The following IGFL4 variants were observed in gnomAD, a reference collection of about 807,000 sequenced individuals.
The protein encoded by IGFL4 is insulin growth factor-like family member 4.
IGFL4 carries 12 observed loss-of-function variants against 15.4 expected under a neutral mutation model. That is an observed-to-expected ratio of 0.78 (90% CI 0.50 to 1.26). The LOEUF is 1.26. Ranked by LOEUF, IGFL4 falls within the 50% of genes most tolerant of loss-of-function variation. The pLI is 0.00. For missense variants in IGFL4, 126 were observed against 147.8 expected (o/e 0.85, Z 0.76); for synonymous variants, 54 against 55.9 (o/e 0.97, Z 0.16).
At chr19:46,054,780 G>A (rs1380519476) in intron 2 of IGFL4, among the ~76,000 whole-genome samples, 2 of 152,168 alleles carry the variant, frequency 1.3e-5, no homozygotes, top group African/African-American at 2.4e-5. Context: ...AGATGAATGT[G>A]AGGAAAACAG....
At chr19:46,059,349 T>C (rs995488677) in intron 2 of IGFL4, 1 of 152,208 alleles carries the variant, frequency 6.6e-6, no homozygotes, top group Admixed American at 6.5e-5. Context: ...TGAAGATCCA[T>C]ATTCTGTAAC....
intron 1 of IGFL4, among the ~76,000 whole-genome samples, chr19:46,069,645 T>C (rs1037012258): frequency 1.3e-5 from 2 of 152,242 alleles, no homozygotes; most frequent in Non-Finnish European, 2.9e-5. Flanking sequence ...CCTAGATTTC[T>C]ATTTTATGGA....
intron 1 of IGFL4, among the ~76,000 whole-genome samples, chr19:46,071,299 T>C (rs1489314463): frequency 1.3e-5 from 2 of 152,080 alleles, no homozygotes; most frequent in Admixed American, 1.3e-4. Context: ...CTTGACTATG[T>C]TGGGGGTAAG....
At chr19:46,066,791 T>C (rs1194859277) in intron 1 of IGFL4, among the ~76,000 whole-genome samples, 1 of 152,212 alleles carries the variant, frequency 6.6e-6, no homozygotes, top group East Asian at 1.9e-4. Context: ...AAACACCTCC[T>C]GCCAGGCCCC....
At chr19:46,074,643 G>T (rs1401296633) in intron 1 of IGFL4, among the ~76,000 whole-genome samples, 2 of 152,032 alleles carry the variant, frequency 1.3e-5, no homozygotes, top group Non-Finnish European at 2.9e-5. Flanking sequence ...AGGCTGGGAG[G>T]CTGAGACAGT....
In IGFL4 at chr19:46,040,620, C is replaced by A; in HGVS notation, c.20-52G>T. 6.3e-7 allele frequency: 1 copy of A among 1,582,962 alleles called. No individual in the cohort carries two copies. Among genetic ancestry groups the A allele is most frequent in the South Asian group, 1.1e-5 (1 of 90,240 alleles). ...GATTCTGAGGTCACTAGGTCTTGAC[C>A]ACGGGGCACAGGATGATGTCTCTGA... On this transcript the variant is annotated intron_variant, in intron 1 of 3. Coordinates refer to ENST00000377697, the MANE Select transcript of IGFL4 (RefSeq NM_001002923.3). This position sits in a 1 kb window ranked among gnomAD's most constrained non-coding sequence, Gnocchi z 4.1.
At position 46,039,785 on chromosome 19, in the gene IGFL4, C is replaced by G. The variant is rs951466630; in HGVS notation, c.*107G>C. The G allele has an allele frequency of 1.1e-5, 11 of 1,031,396 alleles. No individual in the cohort carries two copies. Among genetic ancestry groups the G allele is most frequent in the Non-Finnish European group, 1.5e-5 (10 of 653,048 alleles). The allele number at this position is 1,031,396 out of a possible 1,614,324, so 63.9% of individuals were successfully genotyped here. On this transcript the variant is annotated 3_prime_UTR_variant, in exon 4 of 4. Coordinates refer to ENST00000377697, the MANE Select transcript of IGFL4 (RefSeq NM_001002923.3). ...TGAAGTTGCTTATTTGCACTCCAGC[C>G]TGGGGGACAGAGTGAAACTCTGTCA...
At chr19:46,052,683 T>C (rs1187588700) in intron 2 of IGFL4, among the ~76,000 whole-genome samples, 2 of 150,522 alleles carry the variant, frequency 1.3e-5, no homozygotes, top group Non-Finnish European at 2.9e-5. Flanking sequence ...GATTGCGCCA[T>C]TGCACTCCAG....
chr19:46,050,062 A>G (rs1969331665), intron 2 of IGFL4, among the ~76,000 whole-genome samples: 1 of 152,160 alleles, frequency 6.6e-6, no homozygotes, highest in Non-Finnish European at 1.5e-5. Context: ...CCAGAAGAGA[A>G]ATAACAATCA....
intron 1 of IGFL4, among the ~76,000 whole-genome samples, chr19:46,075,707 C>T (rs1383054237): frequency 1.3e-5 from 2 of 152,162 alleles, no homozygotes; most frequent in Non-Finnish European, 2.9e-5. Context: ...CTCTTTTTCT[C>T]CCCTTTCCAC....
chr19:46,063,165 G>C (rs1969461648), intron 1 of IGFL4, among the ~76,000 whole-genome samples: 1 of 152,124 alleles, frequency 6.6e-6, no homozygotes, highest in Non-Finnish European at 1.5e-5. Flanking sequence ...GGTAGAAAGA[G>C]CTTGGAGCTA....
upstream of IGFL4, among the ~76,000 whole-genome samples, chr19:46,077,475 C>T (rs1969620357): frequency 6.6e-6 from 1 of 152,208 alleles, no homozygotes; most frequent in Non-Finnish European, 1.5e-5. The surrounding 1 kb of genome is among the most constrained non-coding windows in gnomAD (Gnocchi z 5.4). Context: ...CAAAAGAAAC[C>T]AGAGGCGGGG....
intron 1 of IGFL4, chr19:46,060,413 T>A (rs1969434164): frequency 6.6e-6 from 1 of 152,236 alleles, no homozygotes; most frequent in African/African-American, 2.4e-5. Context: ...TTCATGAACA[T>A]TTCAGCTCTC....
At chr19:46,061,144 C>A (rs1969441293) in intron 1 of IGFL4, among the ~76,000 whole-genome samples, 1 of 152,196 alleles carries the variant, frequency 6.6e-6, no homozygotes, top group Non-Finnish European at 1.5e-5. Flanking sequence ...CTTGCTTAAA[C>A]CTTCAGCTTT....
chr19:46,068,717 A>C (rs149685914), intron 1 of IGFL4, among the ~76,000 whole-genome samples: 17 of 152,292 alleles, frequency 1.1e-4, no homozygotes, highest in African/African-American at 4.1e-4. Flanking sequence ...GCCGGGAAAG[A>C]CTTTGATCAA....
chr19:46,065,300 G>C (rs892644092), intron 1 of IGFL4, among the ~76,000 whole-genome samples: 1 of 132,782 alleles, frequency 7.5e-6, no homozygotes, highest in Non-Finnish European at 1.6e-5. Flanking sequence ...TTCCTTTGCT[G>C]TGCAGAAGCT....
At chr19:46,075,674 T>C (rs1454313348) in intron 1 of IGFL4, among the ~76,000 whole-genome samples, 1 of 152,212 alleles carries the variant, frequency 6.6e-6, no homozygotes, top group African/African-American at 2.4e-5. Flanking sequence ...GCTGATGTGG[T>C]ATTTTTCTCC....
chr19:46,044,354 A>T (rs182084509), upstream of IGFL4, among the ~76,000 whole-genome samples: 2 of 152,202 alleles, frequency 1.3e-5, no homozygotes. Flanking sequence ...ACATATTTCT[A>T]TGAAGGGGGC....
chr19:46,053,221 TTTG>T lies in IGFL4; in HGVS notation c.-323+6961_-323+6963del, dbSNP rs370095974. Among the ~76,000 whole-genome samples the T allele has an allele frequency of 6.6e-5, 10 of 152,292 alleles. 1 individual carries two copies. The South Asian group carries it at 2.1e-3, about 32-fold the overall frequency. ...TTCTGATTTAAATGATCTGTTTTGT[TTTG>T]TTTTGTTTGAGACGTTGTCTCACTG... On this transcript the variant is annotated intron_variant, in intron 2 of 5. Transcript: ENST00000601672.
Sources: allele counts gnomAD v4.1 joint callset (sites outside exome capture counted in the v4.1 genomes callset), GRCh38; gene constraint gnomAD v4.1.1; non-coding constraint Gnocchi (gnomAD v3.1); transcripts MANE v1.5; gene names NCBI Gene and HGNC (gene_info 2026-07-23, HGNC 2026-07-21).